BNC2: variants seen among roughly 807,000 people sequenced by gnomAD.
The protein encoded by BNC2 is zinc finger protein basonuclin-2.
Under a neutral mutation model 76.3 loss-of-function variants are expected in BNC2, and 20 were observed. That is an observed-to-expected ratio of 0.26 (90% CI 0.18 to 0.38). The LOEUF (loss-of-function observed/expected upper bound fraction) is 0.38. Ranked by LOEUF, BNC2 falls within the 10% of genes least tolerant of loss-of-function variation. BNC2 has a pLI of 1.00. For missense variants in BNC2, 1,382 were observed against 1,399.8 expected (o/e 0.99, Z 0.20); for synonymous variants, 582 against 514.8 (o/e 1.13, Z -1.77).
At chr9:16,737,311 C>T (rs1031352110) in intron 2 of BNC2, among the ~76,000 whole-genome samples, 8 of 141,114 alleles carry the variant, frequency 5.7e-5, no homozygotes, top group African/African-American at 1.9e-4. Context: ...AGTGCAGTGG[C>T]GCAATCTTGG....
intron 3 of BNC2, among the ~76,000 whole-genome samples, chr9:16,667,066 C>A (rs1822316122): frequency 6.7e-6 from 1 of 150,274 alleles, no homozygotes; most frequent in Admixed American, 6.7e-5. Context: ...AAGCACACAT[C>A]ACTCAGATAC....
chr9:16,603,498 G>A (rs957903346), intron 3 of BNC2, among the ~76,000 whole-genome samples: 3 of 152,106 alleles, frequency 2.0e-5, no homozygotes, highest in Non-Finnish European at 4.4e-5. Flanking sequence ...TTTTGTCTGT[G>A]TGCAAAATTG....
chr9:16,701,363 CAT>C (rs1353234607), intron 3 of BNC2, among the ~76,000 whole-genome samples: 5 of 152,148 alleles, frequency 3.3e-5, no homozygotes, highest in Admixed American at 1.3e-4. Flanking sequence ...CTGGATTACA[CAT>C]GTTAGGCCTT....
chr9:16,748,145 T>C (rs563931230), intron 1 of BNC2, among the ~76,000 whole-genome samples: 10 of 151,576 alleles, frequency 6.6e-5, no homozygotes, highest in African/African-American at 2.2e-4. Context: ...AAAGAGAGAG[T>C]AGAAAAGAAA....
rs548955265 is a variant in BNC2, at chr9:16,773,922, A to G, written c.4-35437T>C. Reference sequence around the variant, plus strand: ...TCCCACGCCCCCAATCTCAGCTGTCATATAGAAAAAACTTCAAGCCCAAAG... The same window carrying G: ...TCCCACGCCCCCAATCTCAGCTGTCGTATAGAAAAAACTTCAAGCCCAAAG... On this transcript the variant is annotated intron_variant, in intron 1 of 6. Coordinates refer to ENST00000380672, the MANE Select transcript of BNC2 (RefSeq NM_017637.6). Among the ~76,000 whole-genome samples, 35 of 152,298 alleles carry G rather than the reference A, an allele frequency of 2.3e-4. No individual in the cohort carries two copies. In the South Asian group the frequency reaches 6.9e-3, roughly 30 times the overall value.
intron 1 of BNC2, among the ~76,000 whole-genome samples, chr9:16,834,369 T>C (rs1283843080): frequency 1.3e-5 from 2 of 152,200 alleles, no homozygotes; most frequent in African/African-American, 2.4e-5. Context: ...ATCAATACTT[T>C]TGAAAACTGT....
intron 5 of BNC2, among the ~76,000 whole-genome samples, chr9:16,437,828 G>C (rs992157338): frequency 3.9e-5 from 6 of 152,106 alleles, no homozygotes; most frequent in African/African-American, 1.4e-4. Flanking sequence ...TAACAACAAT[G>C]ATCTATATAC....
intron 5 of BNC2, among the ~76,000 whole-genome samples, chr9:16,506,511 C>CT (rs1563814965): frequency 3.9e-4 from 32 of 81,440 alleles, no homozygotes; most frequent in African/African-American, 1.7e-3. Context: ...TCTCTCTCTC[C>CT]TCTTTTTTTT....
chr9:16,745,561 T>C (rs1474115205), intron 1 of BNC2, among the ~76,000 whole-genome samples: 1 of 152,204 alleles, frequency 6.6e-6, no homozygotes, highest in Non-Finnish European at 1.5e-5. Flanking sequence ...ATTCCTTTAC[T>C]TGCCTGGCCA....
chr9:16,862,917 T>G (rs1819446860), intron 1 of BNC2, among the ~76,000 whole-genome samples: 1 of 2,684 alleles, frequency 3.7e-4, no homozygotes, highest in Admixed American at 7.0e-3. Context: ...ATAGATAGAT[T>G]TTTTTTTTTT....
intron 5 of BNC2, among the ~76,000 whole-genome samples, chr9:16,502,956 A>G (rs1487970665): frequency 6.6e-6 from 1 of 152,120 alleles, no homozygotes; most frequent in African/African-American, 2.4e-5. Flanking sequence ...TCTACCCTAG[A>G]TTTATGGGAT....
intron 1 of BNC2, among the ~76,000 whole-genome samples, chr9:16,766,031 C>A (rs1244547723): frequency 6.6e-6 from 1 of 152,130 alleles, no homozygotes; most frequent in Non-Finnish European, 1.5e-5. Context: ...TCGTGATCCG[C>A]CCGCCTTGGC....
intron 1 of BNC2, among the ~76,000 whole-genome samples, chr9:16,773,032 T>C (rs1314079001): frequency 1.3e-5 from 2 of 152,216 alleles, no homozygotes; most frequent in African/African-American, 4.8e-5. Flanking sequence ...AGAGGCTATT[T>C]AGAGAGACTA....
intron 4 of BNC2, among the ~76,000 whole-genome samples, chr9:16,553,551 TG>T (rs944773863): frequency 6.6e-6 from 1 of 152,134 alleles, no homozygotes; most frequent in Non-Finnish European, 1.5e-5. Flanking sequence ...CAGATGAAAA[TG>T]GAAACAAATG....
intron 3 of BNC2, among the ~76,000 whole-genome samples, chr9:16,678,307 C>G (rs985624302): frequency 2.1e-5 from 2 of 93,550 alleles, no homozygotes; most frequent in Non-Finnish European, 3.8e-5. Context: ...GAGACAGAGT[C>G]TTGCTCTGTC....
At chr9:16,808,940 C>A (rs992706855) in intron 1 of BNC2, among the ~76,000 whole-genome samples, 1 of 152,118 alleles carries the variant, frequency 6.6e-6, no homozygotes, top group South Asian at 2.1e-4. Context: ...ACTTGGCTGT[C>A]CCCTAAAGAA....
chr9:16,752,178 C>G (rs962825524), intron 1 of BNC2, among the ~76,000 whole-genome samples: 6 of 121,742 alleles, frequency 4.9e-5, no homozygotes, highest in Non-Finnish European at 8.8e-5. Flanking sequence ...GTTTACATTT[C>G]AGATGATAAG....
At chr9:16,745,828 C>A (rs1824984409) in intron 1 of BNC2, among the ~76,000 whole-genome samples, 1 of 152,172 alleles carries the variant, frequency 6.6e-6, no homozygotes. Context: ...ATCAGGGGCC[C>A]TGCTGGAAGT....
chr9:16,801,303 G>A (rs1817772217), intron 1 of BNC2, among the ~76,000 whole-genome samples: 1 of 152,090 alleles, frequency 6.6e-6, no homozygotes, highest in South Asian at 2.1e-4. Context: ...CTGGAGTACA[G>A]TGGCGTGATA....
Sources: gnomAD v4.1 joint callset for allele counts (sites outside exome capture counted in the v4.1 genomes callset) on GRCh38, gnomAD v4.1.1 for gene constraint, MANE v1.5 for transcripts, NCBI Gene and HGNC (gene_info 2026-07-23, HGNC 2026-07-21) for gene names.